PIP5K1A: variants seen among roughly 807,000 people sequenced by gnomAD.
PIP5K1A encodes phosphatidylinositol-4-phosphate 5-kinase type 1 alpha, also known as phosphatidylinositol 4-phosphate 5-kinase type-1 alpha.
A neutral mutation model predicts 72.9 loss-of-function variants in PIP5K1A; 46 were observed. That is an observed-to-expected ratio of 0.63 (90% CI 0.50 to 0.81). The LOEUF (loss-of-function observed/expected upper bound fraction) is 0.81. Ranked by LOEUF, PIP5K1A falls within the 30% of genes least tolerant of loss-of-function variation. The pLI is 0.00. For missense variants in PIP5K1A, 458 were observed against 706.1 expected, an observed-to-expected ratio of 0.65 and a Z score of 3.98; for synonymous variants, 228 against 255.1, an observed-to-expected ratio of 0.89 and a Z score of 1.01.
At chr1:151,199,590 G>A (rs1447051223) in intron 1 of PIP5K1A, among the ~76,000 whole-genome samples, 1 of 151,632 alleles carries the variant, frequency 6.6e-6, no homozygotes. Context: ...CTCCAGTCTG[G>A]GCGAGAGAGT....
At position 151,248,337 on chromosome 1, in the gene PIP5K1A, C is replaced by G. The variant is rs866948056; in HGVS notation, c.*472C>G. On this transcript the variant is annotated 3_prime_UTR_variant, in exon 16 of 16. Coordinates refer to ENST00000368888, the MANE Select transcript of PIP5K1A (RefSeq NM_001135638.2). The stretch of plus-strand genomic sequence containing the variant: ...TCCTGGAAGAATACTCCTGTAATCT[C>G]TGTAAAGGTTTTTGGGGGATAAGGG... 1 of 156,742 alleles carries G rather than the reference C, an allele frequency of 6.4e-6. No individual in the cohort carries two copies. Among genetic ancestry groups the G allele is most frequent in the South Asian group, 2.0e-4 (1 of 5,042 alleles). The allele number at this position is 156,742 out of a possible 1,614,324, so 9.7% of individuals were successfully genotyped here.
intron 9 of PIP5K1A, 69 bp downstream of exon 9, chr1:151,236,832 T>TTC: frequency 9.2e-7 from 1 of 1,089,666 alleles, no homozygotes; most frequent in Non-Finnish European, 1.3e-6. Context: ...TTTTTTTTTT[T>TTC]TTTTTTTTTT....
At chr1:151,229,005 T>G (rs956529286) in intron 4 of PIP5K1A, among the ~76,000 whole-genome samples, 1 of 151,046 alleles carries the variant, frequency 6.6e-6, no homozygotes, top group African/African-American at 2.4e-5. Context: ...CCATCTCTAC[T>G]AAAAATACAA....
chr1:151,234,246 A>G lies in PIP5K1A; in HGVS notation c.689A>G (p.Tyr230Cys). 1.9e-6 allele frequency: 3 copies of G among 1,614,080 alleles called. No homozygotes were observed. Among genetic ancestry groups the G allele is most frequent in the Non-Finnish European group, 1.7e-6 (2 of 1,179,964 alleles). ...TTGCTGCCTAAATTCTATGGACTGTACTGTGTGCAGGCAGGTGGCAAGAAC... is the reference window on the plus strand; with the variant it reads ...TTGCTGCCTAAATTCTATGGACTGTGCTGTGTGCAGGCAGGTGGCAAGAAC... The part of the protein sequence containing the change: ...RTLLPKFYGL[Y>C]CVQAGGKNIR... The change falls in exon 8 of 16, where the codon TAC (tyrosine) becomes TGC (cysteine). Residue 230 changes from tyrosine to cysteine, a missense_variant. Around this residue, in one of 3 missense-constraint regions of PIP5K1A, gnomAD observed 220 missense variants for 442.6 expected, o/e 0.50. Coordinates refer to ENST00000368888, the MANE Select transcript of PIP5K1A (RefSeq NM_001135638.2).
Position 151,199,175 on chromosome 1 carries a change from C to A in PIP5K1A, c.85+94C>A. On this transcript the variant is annotated intron_variant, in intron 1 of 15. Coordinates refer to ENST00000368888, the MANE Select transcript of PIP5K1A (RefSeq NM_001135638.2). ...GAGGGTACCTGTAGCTGGGAATGTC[C>A]TACGTGTTACCGGTAAGTGGGCGCG... The A allele has an allele frequency of 1.9e-6, 3 of 1,591,906 alleles. No homozygotes were observed. The African/African-American group carries it at 4.0e-5, about 21-fold the overall frequency.
chr1:151,246,022 G>A lies in PIP5K1A; in HGVS notation c.1641-898G>A, dbSNP rs750804816. Among the ~76,000 whole-genome samples the A allele has an allele frequency of 1.1e-3, 169 of 152,178 alleles. 1 individual carries two copies. The highest frequency in any genetic ancestry group is 1.9e-3 in the Non-Finnish European group (126 of 68,000). On this transcript the variant is annotated intron_variant, in intron 14 of 15. Transcript: ENST00000368888. The stretch of plus-strand genomic sequence containing the variant: ...GGCACTTTGGGAGGCCGAGGAGGGC[G>A]GATCACCTGAGGCCAGAAGTTCGAG...
Position 151,240,056 on chromosome 1 carries a change from A to T in PIP5K1A, c.1363+17A>T. ...AGATTCCCTGTAAGTGGTTTCTACC[A>T]ATTGACTGCCTACTCCTGCCCAGTG... On this transcript the variant is annotated intron_variant, in intron 12 of 15. Coordinates refer to ENST00000368888, the MANE Select transcript of PIP5K1A (RefSeq NM_001135638.2). 6.4e-7 allele frequency: 1 copy of T among 1,571,350 alleles called. No homozygotes were observed. Among genetic ancestry groups the T allele is most frequent in the East Asian group, 2.2e-5 (1 of 44,634 alleles).
chr1:151,202,827 C>T (rs587732320), intron 1 of PIP5K1A, among the ~76,000 whole-genome samples: 65 of 151,312 alleles, frequency 4.3e-4, no homozygotes, highest in Admixed American at 2.4e-3. Context: ...GGCTGGAGTG[C>T]GGTGGAGCAA....
chr1:151,195,855 CAG>C (rs1684540344), upstream of PIP5K1A, among the ~76,000 whole-genome samples: 1 of 141,474 alleles, frequency 7.1e-6, no homozygotes. Flanking sequence ...ATTTTAAAAT[CAG>C]AAACAGCTTT....
At chr1:151,226,530 G>T (rs1167737919) in intron 3 of PIP5K1A, among the ~76,000 whole-genome samples, 2 of 151,852 alleles carry the variant, frequency 1.3e-5, no homozygotes, top group African/African-American at 4.8e-5. Context: ...TGGTCAACAT[G>T]TTGAAACCCC....
intron 1 of PIP5K1A, among the ~76,000 whole-genome samples, chr1:151,207,342 A>G (rs1686078455): frequency 6.6e-6 from 1 of 152,136 alleles, no homozygotes; most frequent in Admixed American, 6.6e-5. Flanking sequence ...TTTTTTTCTT[A>G]ATTTCAAAGA....
rs767663810 is a variant in PIP5K1A at position 151,234,441 on chromosome 1, T to C, written c.884T>C (p.Phe295Ser). The part of the protein sequence containing the change: ...DFLQDIPDGL[F>S]LDADMYNALC... ...TTACAAGACATCCCTGATGGTCTTT[T>C]TTTGGATGCTGACATGTACAACGCT... Residue 295 changes from phenylalanine (F) to serine (S), a missense_variant, in exon 8 of 16, where the codon TTT becomes TCT. Coordinates refer to ENST00000368888, the MANE Select transcript of PIP5K1A (RefSeq NM_001135638.2). The C allele has an allele frequency of 1.1e-5, 18 of 1,613,968 alleles. No homozygotes were observed. Among genetic ancestry groups the C allele is most frequent in the Non-Finnish European group, 1.5e-5 (18 of 1,179,964 alleles).
intron 12 of PIP5K1A, chr1:151,240,315 G>A (rs1691504377): frequency 2.5e-6 from 1 of 399,054 alleles, no homozygotes; most frequent in African/African-American, 2.1e-5. Context: ...AATAAATAAT[G>A]TGTAGTTGTG....
chr1:151,239,199 C>T (rs1184802572), intron 11 of PIP5K1A, 21 bp downstream of exon 11: 12 of 1,536,772 alleles, frequency 7.8e-6, no homozygotes, highest in Non-Finnish European at 8.1e-6. Context: ...ATACTAGAGG[C>T]TCTCTTACCG....
At chr1:151,206,425 A>G (rs1280988450) in intron 1 of PIP5K1A, among the ~76,000 whole-genome samples, 2 of 152,160 alleles carry the variant, frequency 1.3e-5, no homozygotes, top group African/African-American at 4.8e-5. Context: ...CTGTCCAAAA[A>G]GATTAGAGAT....
chr1:151,224,498 A>G (rs1688831125), intron 3 of PIP5K1A, 92 bp downstream of exon 3: 3 of 925,374 alleles, frequency 3.2e-6, no homozygotes, highest in Non-Finnish European at 5.2e-6. Context: ...TAATGTACCA[A>G]ATGCAATATA....
intron 14 of PIP5K1A, among the ~76,000 whole-genome samples, chr1:151,242,898 T>A (rs1359882076): frequency 2.0e-5 from 3 of 152,176 alleles, no homozygotes; most frequent in Non-Finnish European, 1.5e-5. Flanking sequence ...GGGCCTTAGT[T>A]CCTTGCTGGC....
chr1:151,199,475 G>A (rs1684901030), intron 1 of PIP5K1A, among the ~76,000 whole-genome samples: 1 of 152,068 alleles, frequency 6.6e-6, no homozygotes, highest in Non-Finnish European at 1.5e-5. Context: ...TATCCGGACA[G>A]TAGTGGCGTG....
chr1:151,232,798 C>A, intron 7 of PIP5K1A, 95 bp downstream of exon 7: 1 of 1,137,766 alleles, frequency 8.8e-7, no homozygotes, highest in Non-Finnish European at 1.3e-6. Context: ...GTCAGCACTT[C>A]TATCTTAAGA....
Sources: allele counts gnomAD v4.1 joint callset (sites outside exome capture counted in the v4.1 genomes callset), GRCh38; gene constraint gnomAD v4.1.1; regional missense constraint gnomAD v4.1.1; transcripts MANE v1.5; gene names NCBI Gene and HGNC (gene_info 2026-07-23, HGNC 2026-07-21).